The following RANBP17 variants were observed in gnomAD, a reference collection of about 807,000 sequenced individuals.
RANBP17 encodes the protein ran-binding protein 17.
Under a neutral mutation model 141.2 loss-of-function variants are expected in RANBP17, and 158 were observed. The observed-to-expected ratio is 1.12, with a 90% CI of 0.98 to 1.28. RANBP17 has a LOEUF of 1.28. Ranked by LOEUF, RANBP17 falls within the 50% of genes most tolerant of loss-of-function variation. The pLI is 0.00. For synonymous variants in RANBP17, 430 were observed against 450.0 expected (o/e 0.96, Z 0.56); for missense variants, 1,438 against 1,290.7 (o/e 1.11, Z -1.75).
At chr5:171,219,514 C>T (rs1763425397) in intron 21 of RANBP17, among the ~76,000 whole-genome samples, 1 of 152,148 alleles carries the variant, frequency 6.6e-6, no homozygotes, top group Non-Finnish European at 1.5e-5. Flanking sequence ...CTCCTCATCA[C>T]TTTCAGGTAC....
chr5:171,155,078 G>GAAAAAAAAAAAAAAAAA (rs145976955), intron 14 of RANBP17, among the ~76,000 whole-genome samples: 1 of 75,038 alleles, frequency 1.3e-5, no homozygotes, highest in East Asian at 4.3e-4. Flanking sequence ...ACTCCATCTA[G>GAAAAAAAAAAAAAAAAA]AAAAAAAAAA....
intron 14 of RANBP17, among the ~76,000 whole-genome samples, chr5:171,010,152 A>T (rs1239851874): frequency 6.6e-6 from 1 of 152,168 alleles, no homozygotes; most frequent in East Asian, 1.9e-4. Context: ...ATTCCAGGAA[A>T]CCCAGAGGCA....
intron 22 of RANBP17, among the ~76,000 whole-genome samples, chr5:171,224,781 GCTC>G (rs1047050667): frequency 1.3e-5 from 2 of 152,186 alleles, no homozygotes; most frequent in African/African-American, 4.8e-5. Context: ...GTAAGGCTCT[GCTC>G]CTCAATTTAG....
At chr5:171,262,439 A>C (rs1766395595) in intron 24 of RANBP17, among the ~76,000 whole-genome samples, 1 of 152,226 alleles carries the variant, frequency 6.6e-6, no homozygotes, top group Non-Finnish European at 1.5e-5. Flanking sequence ...AGAAGAAATT[A>C]ACTAATTAAT....
intron 14 of RANBP17, among the ~76,000 whole-genome samples, chr5:171,157,647 A>G (rs1426783257): frequency 6.6e-6 from 1 of 152,224 alleles, no homozygotes; most frequent in Non-Finnish European, 1.5e-5. Flanking sequence ...CTACAAAAGG[A>G]AACATCTGTA....
intron 14 of RANBP17, among the ~76,000 whole-genome samples, chr5:170,992,638 T>G (rs1159383749): frequency 1.3e-5 from 2 of 152,062 alleles, no homozygotes; most frequent in African/African-American, 4.8e-5. Context: ...GCTTACAAAC[T>G]GACCAAAAAG....
chr5:171,284,342 G>A (rs1237298916), intron 25 of RANBP17, among the ~76,000 whole-genome samples: 1 of 151,060 alleles, frequency 6.6e-6, no homozygotes, highest in African/African-American at 2.4e-5. Flanking sequence ...TATTTATTTT[G>A]GAGACAGAGT....
chr5:171,144,655 C>T (rs2127818747), intron 14 of RANBP17, among the ~76,000 whole-genome samples: 1 of 152,274 alleles, frequency 6.6e-6, no homozygotes, highest in East Asian at 1.9e-4. Flanking sequence ...CCTTTATGGT[C>T]TCTGCCTGCC....
Position 170,881,892 on chromosome 5 carries a change from C to T in RANBP17, c.252C>T (p.Asp84=). ...CTTTACCTGTTGAGCAGAGGATGGA[C>T]ATCAGTAAGTGGCTTATTATGCTTT... The part of the protein sequence containing the change: ...VSPLPVEQRM[D]IRNYILNYVA... The change falls in exon 3 of 28, where the codon GAC becomes GAT. Residue 84 remains aspartate, a synonymous_variant. Coordinates refer to ENST00000523189, the MANE Select transcript of RANBP17 (RefSeq NM_022897.5). 6.3e-7 allele frequency: 1 copy of T among 1,594,138 alleles called. No individual in the cohort carries two copies. The highest frequency in any genetic ancestry group is 1.3e-5 in the African/African-American group (1 of 74,124).
chr5:171,089,611 A>C (rs1786048071), intron 14 of RANBP17, among the ~76,000 whole-genome samples: 1 of 151,946 alleles, frequency 6.6e-6, no homozygotes, highest in South Asian at 2.1e-4. Flanking sequence ...AATCAGTGAG[A>C]TTCCGTGGGC....
intron 5 of RANBP17, among the ~76,000 whole-genome samples, chr5:170,906,754 T>G (rs2127413764): frequency 6.6e-6 from 1 of 152,104 alleles, no homozygotes; most frequent in African/African-American, 2.4e-5. Context: ...TTCCAAGATT[T>G]GACCAATAGG....
rs1012146803 is a variant in RANBP17, at chr5:171,183,445, T to G, written c.2038+15T>G. On this transcript the variant is annotated intron_variant, in intron 18 of 27. Transcript: ENST00000523189. ...GGTAGATCTGGGTAAGGTTAAGAATTTAAACTCAATTAATAAGGGATCAGC... is the reference window on the plus strand; with the variant it reads ...GGTAGATCTGGGTAAGGTTAAGAATGTAAACTCAATTAATAAGGGATCAGC... 1 of 1,519,626 alleles carries G rather than the reference T, an allele frequency of 6.6e-7. No homozygotes were observed. 94.1% of individuals were successfully genotyped at this position (1,519,626 alleles called of 1,614,324 possible).
intron 24 of RANBP17, among the ~76,000 whole-genome samples, chr5:171,261,746 G>A (rs2128015686): frequency 6.6e-6 from 1 of 152,178 alleles, no homozygotes; most frequent in East Asian, 1.9e-4. Flanking sequence ...TAAACACCAA[G>A]AACTAGGACA....
intron 21 of RANBP17, among the ~76,000 whole-genome samples, chr5:171,219,014 C>T (rs894997980): frequency 2.0e-5 from 3 of 152,024 alleles, no homozygotes; most frequent in South Asian, 4.2e-4. Flanking sequence ...TATTTTGGTG[C>T]GTTTTTGCAG....
At chr5:171,164,932 GTTTA>G (rs745594653) in intron 14 of RANBP17, among the ~76,000 whole-genome samples, 4 of 152,086 alleles carry the variant, frequency 2.6e-5, no homozygotes, top group Non-Finnish European at 5.9e-5. Flanking sequence ...ATAAGATTTT[GTTTA>G]TTTGTTTTAA....
intron 14 of RANBP17, among the ~76,000 whole-genome samples, chr5:170,969,203 A>T (rs1400024523): frequency 6.6e-6 from 1 of 151,748 alleles, no homozygotes; most frequent in Admixed American, 6.6e-5. Flanking sequence ...TGATTTTAAG[A>T]TTATCCTTTA....
intron 18 of RANBP17, among the ~76,000 whole-genome samples, chr5:171,188,297 C>T (rs1266819441): frequency 6.6e-5 from 10 of 152,230 alleles, no homozygotes; most frequent in African/African-American, 2.4e-4. Context: ...GGAGATGTAA[C>T]TGAGTGACAG....
intron 14 of RANBP17, among the ~76,000 whole-genome samples, chr5:171,058,487 G>C (rs1783565736): frequency 6.6e-6 from 1 of 151,750 alleles, no homozygotes; most frequent in African/African-American, 2.4e-5. Context: ...CAAAGGACAT[G>C]AACTCATCAT....
intron 13 of RANBP17, among the ~76,000 whole-genome samples, chr5:170,965,372 T>C (rs569215199): frequency 1.1e-4 from 17 of 152,060 alleles, no homozygotes; most frequent in Admixed American, 9.8e-4. Flanking sequence ...GATGGTGGTT[T>C]CTTTTGCTGT....
Sources: gnomAD v4.1 joint callset for allele counts (sites outside exome capture counted in the v4.1 genomes callset) on GRCh38, gnomAD v4.1.1 for gene constraint, MANE v1.5 for transcripts, NCBI Gene and HGNC (gene_info 2026-07-23, HGNC 2026-07-21) for gene names.